The following POLR3B variants were observed in gnomAD, a reference collection of about 807,000 sequenced individuals.
The protein encoded by POLR3B is DNA-directed RNA polymerase III subunit RPC2.
POLR3B carries 96 observed loss-of-function variants against 147.4 expected under a neutral mutation model. The observed-to-expected ratio is 0.65, with a 90% CI of 0.55 to 0.77. The LOEUF (loss-of-function observed/expected upper bound fraction) is 0.77. POLR3B is among the 30% of genes least tolerant of loss of function. The pLI, the probability that POLR3B is intolerant of heterozygous loss-of-function variation, is 0.00. For missense variants in POLR3B, 1,036 were observed against 1,413.5 expected, an observed-to-expected ratio of 0.73 and a Z score of 4.28; for synonymous variants, 461 against 485.9, an observed-to-expected ratio of 0.95 and a Z score of 0.67.
At chr12:106,388,593 G>T (rs1271872019) in intron 9 of POLR3B, among the ~76,000 whole-genome samples, 1 of 152,222 alleles carries the variant, frequency 6.6e-6, no homozygotes, top group Non-Finnish European at 1.5e-5. Context: ...TGGGATTACA[G>T]GCGTGAGCCA....
intron 9 of POLR3B, among the ~76,000 whole-genome samples, chr12:106,392,369 G>A (rs1313665813): frequency 6.6e-6 from 1 of 151,996 alleles, no homozygotes; most frequent in African/African-American, 2.4e-5. Context: ...CGCCACGTTG[G>A]CCCAGCTGGT....
chr12:106,358,130 G>T, intron 1 of POLR3B, 179 bp downstream of exon 1: 1 of 1,472,506 alleles, frequency 6.8e-7, no homozygotes, highest in Non-Finnish European at 8.9e-7. Flanking sequence ...CTCCGCGTGC[G>T]CGAGTGAAGG....
Position 106,504,395 on chromosome 12 carries a change from T to G in POLR3B, c.3272+141T>G, listed in dbSNP as rs1300039339. On this transcript the variant is annotated intron_variant, in intron 27 of 27. Coordinates refer to ENST00000228347, the MANE Select transcript of POLR3B (RefSeq NM_018082.6). The surrounding 1 kb of genome is among the most constrained non-coding windows in gnomAD (Gnocchi z 4.6). Reference sequence around the variant, plus strand: ...ATACCCTCCCTCATGCATGTATTCCTGTCATTGGGGATACTCTGTGTACAT... The same window carrying G: ...ATACCCTCCCTCATGCATGTATTCCGGTCATTGGGGATACTCTGTGTACAT... The G allele has an allele frequency of 1.1e-5, 8 of 743,552 alleles. No individual in the cohort carries two copies. The highest frequency in any genetic ancestry group is 1.7e-5 in the Non-Finnish European group (7 of 411,624). 46.1% of individuals were successfully genotyped at this position (743,552 alleles called of 1,614,324 possible).
rs182707533 is a variant in POLR3B at position 106,502,474 on chromosome 12, G to T, written c.3098+1038G>T. ...TAACAGGTGCCAGTGAATGTCAAGAGTGTGAATACAGAATGTGTACAGCAC... is the reference window on the plus strand; with the variant it reads ...TAACAGGTGCCAGTGAATGTCAAGATTGTGAATACAGAATGTGTACAGCAC... On this transcript the variant is annotated intron_variant, in intron 26 of 27. Coordinates refer to ENST00000228347, the MANE Select transcript of POLR3B (RefSeq NM_018082.6). Among the ~76,000 whole-genome samples the T allele has an allele frequency of 1.2e-3, 176 of 152,324 alleles. 2 individuals carry two copies. Among genetic ancestry groups the T allele is most frequent in the African/African-American group, 4.1e-3 (169 of 41,574 alleles).
chr12:106,365,448 G>T (rs1317407996), intron 2 of POLR3B, among the ~76,000 whole-genome samples: 1 of 152,180 alleles, frequency 6.6e-6, no homozygotes. Context: ...TTGAACTCCT[G>T]AGTTTGAGTG....
intron 23 of POLR3B, among the ~76,000 whole-genome samples, chr12:106,487,517 A>G (rs1387276276): frequency 6.6e-6 from 1 of 152,192 alleles, no homozygotes; most frequent in Admixed American, 6.5e-5. Context: ...GGTGTTCAGA[A>G]AGTAACATGG....
chr12:106,363,527 G>C (rs1230484634), intron 1 of POLR3B, among the ~76,000 whole-genome samples: 1 of 152,210 alleles, frequency 6.6e-6, no homozygotes, highest in East Asian at 1.9e-4. Context: ...TTGAGACCCA[G>C]CTCTCCCACC....
intron 22 of POLR3B, among the ~76,000 whole-genome samples, chr12:106,461,918 A>G (rs2037942779): frequency 6.6e-6 from 1 of 152,120 alleles, no homozygotes; most frequent in African/African-American, 2.4e-5. Flanking sequence ...GATGACTCCC[A>G]TATAGACATC....
chr12:106,410,340 C>T (rs997595905), intron 11 of POLR3B: 2 of 157,990 alleles, frequency 1.3e-5, no homozygotes, highest in African/African-American at 2.4e-5. Context: ...CTTGATTTTC[C>T]ATTTCATTGG....
intron 1 of POLR3B, 152 bp downstream of exon 1, chr12:106,358,103 T>C: frequency 1.3e-6 from 2 of 1,506,300 alleles, no homozygotes; most frequent in Admixed American, 2.1e-5. Flanking sequence ...CTTGCGAGTC[T>C]TTTTTCCAGA....
intron 25 of POLR3B, 92 bp downstream of exon 25, chr12:106,497,010 C>A: frequency 1.5e-6 from 2 of 1,292,050 alleles, no homozygotes; most frequent in Non-Finnish European, 2.2e-6. Flanking sequence ...TTAAGTATAC[C>A]TTCAGGCAAG....
intron 12 of POLR3B, among the ~76,000 whole-genome samples, chr12:106,421,181 T>G (rs2037369100): frequency 6.6e-6 from 1 of 152,076 alleles, no homozygotes; most frequent in Non-Finnish European, 1.5e-5. Flanking sequence ...TACCACTTTA[T>G]TCATTCTACT....
rs772862264 is a variant in POLR3B, at chr12:106,357,890, T to C, written c.11T>C (p.Leu4Pro). 6.9e-5 allele frequency: 111 copies of C among 1,613,576 alleles called. No individual in the cohort carries two copies. The highest frequency in any genetic ancestry group is 1.0e-4 in the Admixed American group (6 of 59,998). The change falls in exon 1 of 28, where the codon CTA becomes CCA. Residue 4 changes from leucine (L) to proline (P), a missense_variant. By Grantham distance (98) the Leu-to-Pro change is moderately conservative. Transcript: ENST00000228347. MDV[L>P]AEEFGNLTPE... Reference sequence around the variant, plus strand: ...TCCTTCGTGAGCAGCATGGACGTGCTAGCGGAGGAGTTTGGGAACCTGACT... The same window carrying C: ...TCCTTCGTGAGCAGCATGGACGTGCCAGCGGAGGAGTTTGGGAACCTGACT...
At chr12:106,471,362 C>G (rs936890226) in intron 23 of POLR3B, among the ~76,000 whole-genome samples, 1 of 152,148 alleles carries the variant, frequency 6.6e-6, no homozygotes, top group Non-Finnish European at 1.5e-5. Context: ...TCTCCAGGTA[C>G]AGTCACTCAT....
At chr12:106,414,555 C>T (rs899796383) in intron 12 of POLR3B, among the ~76,000 whole-genome samples, 2 of 152,128 alleles carry the variant, frequency 1.3e-5, no homozygotes, top group Admixed American at 1.3e-4. Context: ...GTCTCCAGGT[C>T]CCTAAGCTGA....
At chr12:106,415,053 A>C (rs943857751) in intron 12 of POLR3B, among the ~76,000 whole-genome samples, 6 of 152,138 alleles carry the variant, frequency 3.9e-5, no homozygotes, top group African/African-American at 1.4e-4. Context: ...TCAAATCATC[A>C]AATCCTGCCT....
chr12:106,369,484 A>G, intron 5 of POLR3B, 99 bp from the exon 6 acceptor site: 1 of 971,440 alleles, frequency 1.0e-6, no homozygotes, highest in Non-Finnish European at 1.7e-6. Flanking sequence ...TTAAAGTTCA[A>G]TGTGGACCAT....
At chr12:106,507,475 G>A (rs73186482) in intron 27 of POLR3B, among the ~76,000 whole-genome samples, 8,584 of 152,114 alleles carry the variant, frequency 0.056, 339 homozygotes, top group East Asian at 0.14. Flanking sequence ...GAAGCGAAAG[G>A]TACCCCCGTT....
At chr12:106,402,838 C>T (rs1394342774) in intron 10 of POLR3B, among the ~76,000 whole-genome samples, 1 of 152,128 alleles carries the variant, frequency 6.6e-6, no homozygotes, top group Non-Finnish European at 1.5e-5. Context: ...ACATGTTAGA[C>T]CTAAAACCAT....
Sources: allele counts gnomAD v4.1 joint callset (sites outside exome capture counted in the v4.1 genomes callset), GRCh38; gene constraint gnomAD v4.1.1; non-coding constraint Gnocchi (gnomAD v3.1); transcripts MANE v1.5; gene names NCBI Gene and HGNC (gene_info 2026-07-23, HGNC 2026-07-21).